TTC19: variants seen among roughly 807,000 people sequenced by gnomAD.
The protein encoded by TTC19 is tetratricopeptide repeat domain 19, also known as tetratricopeptide repeat protein 19, mitochondrial.
A neutral mutation model predicts 49.5 loss-of-function variants in TTC19; 38 were observed. The ratio of observed to expected loss-of-function variants is 0.77; its 90% confidence interval spans 0.59 to 1.01. The LOEUF (loss-of-function observed/expected upper bound fraction) is 1.01, where lower values mean the gene tolerates loss of function less well. TTC19 is among the 50% of genes least tolerant of loss of function. TTC19 has a pLI of 0.00. For missense variants in TTC19, 475 were observed against 477.7 expected (o/e 0.99, Z 0.05); for synonymous variants, 204 against 185.2 (o/e 1.10, Z -0.83).
intron 2 of TTC19, chr17:16,000,461 A>T (rs756389053): frequency 1.3e-5 from 17 of 1,352,750 alleles, no homozygotes; most frequent in Non-Finnish European, 1.5e-5. Context: ...CTGCAGTGTC[A>T]AGTGCAAATG....
chr17:16,039,793 G>A (rs1461043077), intron 2 of TTC19: 2 of 745,282 alleles, frequency 2.7e-6, no homozygotes, highest in Non-Finnish European at 4.3e-6. Flanking sequence ...ACCACACAGA[G>A]ACCTTTTTTT....
chr17:16,039,978 T>C, intron 2 of TTC19: 1 of 385,674 alleles, frequency 2.6e-6, no homozygotes, highest in Non-Finnish European at 4.9e-6. Flanking sequence ...TTTTAGGAGA[T>C]GGGGTTTCAC....
At chr17:16,044,650 C>T (rs1032150505) in exon 3 of TTC19, 1 of 647,160 alleles carries the variant, frequency 1.5e-6, no homozygotes, top group Admixed American at 1.8e-5. Flanking sequence ...TCGCCTGCAT[C>T]TACTCAGCCC....
chr17:16,033,866 C>G (rs558687253), downstream of TTC19, among the ~76,000 whole-genome samples: 1 of 151,840 alleles, frequency 6.6e-6, no homozygotes, highest in Admixed American at 6.6e-5. Context: ...AGTGCAGTGG[C>G]GCAATCTCAG....
chr17:16,026,581 A>G lies in TTC19; in HGVS notation c.873A>G (p.Ala291=). Reference sequence around the variant, plus strand: ...GTGACCTGGCTACTACCCTGGATGCACAGGGCCGCTTTGATGAGGCCTATA... The same window carrying G: ...GTGACCTGGCTACTACCCTGGATGCGCAGGGCCGCTTTGATGAGGCCTATA... ...LMSDLATTLD[A]QGRFDEAYIY... Residue 291 remains alanine, a synonymous_variant, in exon 9 of 10, where the codon GCA becomes GCG. Coordinates refer to ENST00000261647, the MANE Select transcript of TTC19 (RefSeq NM_017775.4). The G allele has an allele frequency of 6.2e-7, 1 of 1,614,176 alleles. No homozygotes were observed. The highest frequency in any genetic ancestry group is 2.2e-5 in the East Asian group (1 of 44,882).
chr17:16,044,588 T>A, exon 3 of TTC19: 1 of 546,346 alleles, frequency 1.8e-6, no homozygotes, highest in Non-Finnish European at 3.6e-6. Flanking sequence ...TACCACCACG[T>A]CCGGCAGCGC....
In TTC19 at chr17:16,028,818, CAAAAAAAAAAAAAAAA is replaced by C. The variant is rs59177775; in HGVS notation, c.*1309_*1324del. 1.9e-3 allele frequency: 190 copies of C among 98,974 alleles called. 2 individuals are homozygous for C. Among genetic ancestry groups the C allele is most frequent in the Middle Eastern group, 4.3e-3 (1 of 230 alleles). 6.1% of individuals were successfully genotyped at this position (98,974 alleles called of 1,614,324 possible). A position where few individuals can be genotyped will look rare whatever the true frequency, so the allele number is the denominator to read the frequency against. ...GTATCCCAGTAATCTTTGCATTTCT[CAAAAAAAAAAAAAAAA>C]AAAAAAAAAAAACTTTCTGAAGAAA... On this transcript the variant is annotated 3_prime_UTR_variant, in exon 10 of 10. Transcript: ENST00000261647.
chr17:16,034,355 G>A (rs1411756052), downstream of TTC19, among the ~76,000 whole-genome samples: 1 of 152,144 alleles, frequency 6.6e-6, no homozygotes, highest in Non-Finnish European at 1.5e-5. Context: ...CACTTTGTGA[G>A]GCCAAGGCAG....
intron 7 of TTC19, among the ~76,000 whole-genome samples, chr17:16,015,606 G>T (rs1352249928): frequency 6.6e-6 from 1 of 151,900 alleles, no homozygotes; most frequent in Non-Finnish European, 1.5e-5. Flanking sequence ...AGTTATTTTT[G>T]ATGACATAAT....
At chr17:16,020,725 T>G (rs529777262) in intron 7 of TTC19, among the ~76,000 whole-genome samples, 80 of 152,064 alleles carry the variant, frequency 5.3e-4, no homozygotes, top group African/African-American at 1.9e-3. Context: ...CTGAAGTGAG[T>G]GCAGTGACAC....
intron 2 of TTC19, among the ~76,000 whole-genome samples, chr17:16,037,317 C>A (rs905272865): frequency 2.0e-5 from 3 of 151,902 alleles, no homozygotes; most frequent in East Asian, 3.9e-4. Context: ...GTGAGAATTA[C>A]CAAAATATGA....
intron 2 of TTC19, among the ~76,000 whole-genome samples, chr17:16,001,533 CCTTT>C (rs993868383): frequency 3.6e-4 from 55 of 152,190 alleles, no homozygotes; most frequent in Admixed American, 3.6e-3. Context: ...CCTTATCATT[CCTTT>C]CTGTCATCTT....
intron 6 of TTC19, among the ~76,000 whole-genome samples, chr17:16,004,629 T>C (rs1412207995): frequency 6.6e-6 from 1 of 152,232 alleles, no homozygotes; most frequent in East Asian, 1.9e-4. Context: ...AGAAGCCATT[T>C]TGCTGGTATA....
At chr17:16,037,249 A>C (rs976757153) in intron 2 of TTC19, among the ~76,000 whole-genome samples, 3 of 152,212 alleles carry the variant, frequency 2.0e-5, no homozygotes, top group Non-Finnish European at 4.4e-5. Flanking sequence ...CAATAGTAAT[A>C]TCAAAGGTCA....
rs1407030426 is a variant in TTC19 at position 16,013,836 on chromosome 17, T to TA, written c.676+7269dup. 6.6e-5 allele frequency among the ~76,000 whole-genome samples: 10 copies of TA among 152,228 alleles called. 1 individual carries two copies. The highest frequency in any genetic ancestry group is 4.4e-5 in the Non-Finnish European group (3 of 68,034). ...TGAATTATCAGATATGCATTATATT[T>TA]ATAAATTAGTTTGGGGAGATTGCCA... On this transcript the variant is annotated intron_variant, in intron 7 of 9. Transcript: ENST00000261647.
At chr17:16,032,468 G>A, downstream of TTC19, 1 of 1,592,868 alleles carries the variant, frequency 6.3e-7, no homozygotes, top group Non-Finnish European at 8.5e-7. Context: ...AGGGTTATAA[G>A]GAAACTGAGT....
intron 8 of TTC19, 116 bp downstream of exon 8, chr17:16,025,287 T>C: frequency 9.6e-7 from 1 of 1,039,810 alleles, no homozygotes; most frequent in South Asian, 1.4e-5. Flanking sequence ...TCCTCCTTGG[T>C]CCCCAGTCTA....
chr17:16,008,311 T>G (rs1310640583), intron 7 of TTC19, among the ~76,000 whole-genome samples: 2 of 152,218 alleles, frequency 1.3e-5, no homozygotes, highest in Non-Finnish European at 2.9e-5. Flanking sequence ...GTCTCAGTTT[T>G]GCCGCTCACA....
intron 7 of TTC19, among the ~76,000 whole-genome samples, chr17:16,014,348 G>A (rs936343114): frequency 6.6e-6 from 1 of 152,194 alleles, no homozygotes; most frequent in African/African-American, 2.4e-5. Flanking sequence ...GAAAAGAACG[G>A]ATACTGGGAC....
Sources: allele counts gnomAD v4.1 joint callset (sites outside exome capture counted in the v4.1 genomes callset), GRCh38; gene constraint gnomAD v4.1.1; transcripts MANE v1.5; gene names NCBI Gene and HGNC (gene_info 2026-07-23, HGNC 2026-07-21).